Variants in TRAPPC9 observed in about 807,000 individuals in gnomAD.
The protein encoded by TRAPPC9 is IKK2 binding protein.
In TRAPPC9, 83 loss-of-function variants were observed where a neutral mutation model predicts 124.0. That is an observed-to-expected ratio of 0.67 (90% confidence interval 0.56 to 0.80). TRAPPC9 has a LOEUF of 0.80. TRAPPC9 is among the 30% of genes least tolerant of loss of function. TRAPPC9 has a pLI of 0.00. For missense variants in TRAPPC9, 1,302 were observed against 1,508.3 expected, an observed-to-expected ratio of 0.86 and a Z score of 2.27; for synonymous variants, 638 against 617.5, an observed-to-expected ratio of 1.03 and a Z score of -0.49.
At chr8:140,254,692 C>T (rs977411055) in intron 15 of TRAPPC9, among the ~76,000 whole-genome samples, 1 of 152,204 alleles carries the variant, frequency 6.6e-6, no homozygotes, top group Non-Finnish European at 1.5e-5. Context: ...TTGCTGTTTT[C>T]CCACTATCCC....
At chr8:140,083,180 G>GA (rs1843951792) in intron 17 of TRAPPC9, among the ~76,000 whole-genome samples, 1 of 140,756 alleles carries the variant, frequency 7.1e-6, no homozygotes, top group Non-Finnish European at 1.6e-5. Flanking sequence ...GTGACAGAAT[G>GA]AGACTCCATC....
rs144081916 is a variant in TRAPPC9, at chr8:139,731,228, C to A, written c.3280G>T (p.Val1094Leu). 1.9e-6 allele frequency: 3 copies of A among 1,613,240 alleles called. No individual in the cohort carries two copies. Among genetic ancestry groups the A allele is most frequent in the South Asian group, 2.2e-5 (2 of 91,042 alleles). ...CAGGCCGACTGGCCGGACGGCTGCA[C>A]CTGAGCAGGGAGGAGAAAGACACAT... ...VGSSTFYLDA[V>L]QPSGQSACLG... is the part of the protein sequence containing the mutation. The change falls in exon 23 of 23, where the codon GTG becomes TTG. Residue 1094 changes from valine (V) to leucine (L), a missense_variant and splice_region_variant. This residue lies in a region of TRAPPC9 where 640 missense variants were observed against 679.3 expected (regional missense o/e 0.94). Transcript: ENST00000438773.
chr8:139,803,019 C>T (rs1011361434), intron 21 of TRAPPC9, among the ~76,000 whole-genome samples: 9 of 151,602 alleles, frequency 5.9e-5, no homozygotes, highest in African/African-American at 1.5e-4. Context: ...TGTGTGCATC[C>T]GTAGATGAAC....
intron 17 of TRAPPC9, among the ~76,000 whole-genome samples, chr8:140,026,343 A>G (rs1840147639): frequency 6.6e-6 from 1 of 152,110 alleles, no homozygotes. Context: ...TCTTTGGGGT[A>G]TATGCCCGGA....
chr8:139,895,735 C>T (rs1206393717), intron 20 of TRAPPC9, among the ~76,000 whole-genome samples: 1 of 152,260 alleles, frequency 6.6e-6, no homozygotes, highest in Non-Finnish European at 1.5e-5. Flanking sequence ...CACTGATACA[C>T]TTGGGCTCAA....
At chr8:140,260,450 C>A (rs1395791537) in intron 15 of TRAPPC9, among the ~76,000 whole-genome samples, 1 of 152,200 alleles carries the variant, frequency 6.6e-6, no homozygotes, top group Admixed American at 6.5e-5. Context: ...GAATAAAGTT[C>A]TCTGAGGTGG....
chr8:140,388,615 A>G (rs2068827507), intron 7 of TRAPPC9, among the ~76,000 whole-genome samples: 1 of 151,792 alleles, frequency 6.6e-6, no homozygotes. Flanking sequence ...CCCAGGAGGC[A>G]GAGGCTGTGG....
intron 17 of TRAPPC9, among the ~76,000 whole-genome samples, chr8:140,039,167 A>T (rs1327680866): frequency 6.6e-6 from 1 of 152,262 alleles, no homozygotes; most frequent in Non-Finnish European, 1.5e-5. Flanking sequence ...TGGAAGCACC[A>T]TCAAATCCAC....
At chr8:140,058,829 T>C (rs1842428059) in intron 17 of TRAPPC9, among the ~76,000 whole-genome samples, 1 of 152,116 alleles carries the variant, frequency 6.6e-6, no homozygotes, top group African/African-American at 2.4e-5. Context: ...TAAACAGCCA[T>C]GATGGAGAAA....
chr8:139,909,412 G>A (rs892258072), intron 20 of TRAPPC9, among the ~76,000 whole-genome samples: 1 of 152,182 alleles, frequency 6.6e-6, no homozygotes, highest in Non-Finnish European at 1.5e-5. Flanking sequence ...AGGGTGCTCT[G>A]CCTTCGCTCC....
chr8:139,821,578 C>T (rs538555218), intron 21 of TRAPPC9, among the ~76,000 whole-genome samples: 4 of 152,236 alleles, frequency 2.6e-5, no homozygotes, highest in Non-Finnish European at 5.9e-5. Flanking sequence ...CCAGACCGGG[C>T]TTCTCCGAAG....
intron 10 of TRAPPC9, among the ~76,000 whole-genome samples, chr8:140,305,393 T>A (rs951058305): frequency 4.6e-5 from 7 of 152,112 alleles, no homozygotes; most frequent in Admixed American, 2.0e-4. Context: ...CTCCGCCTCC[T>A]GGGTTCAAAC....
At chr8:140,319,268 C>T (rs1325896841) in intron 9 of TRAPPC9, among the ~76,000 whole-genome samples, 3 of 149,702 alleles carry the variant, frequency 2.0e-5, no homozygotes, top group Non-Finnish European at 4.4e-5. Flanking sequence ...CTCCGCCTCC[C>T]GGGTTCACAC....
intron 17 of TRAPPC9, among the ~76,000 whole-genome samples, chr8:140,178,073 T>C (rs2062111308): frequency 6.6e-6 from 1 of 152,180 alleles, no homozygotes; most frequent in South Asian, 2.1e-4. Flanking sequence ...ATAGTAATGT[T>C]TTCTGTGAAT....
intron 2 of TRAPPC9, among the ~76,000 whole-genome samples, chr8:140,443,131 C>CCAAA (rs2071092185): frequency 2.3e-5 from 1 of 43,986 alleles, no homozygotes; most frequent in Admixed American, 2.3e-4. Flanking sequence ...GACTCCATCT[C>CCAAA]AAAAAAAAAA....
intron 21 of TRAPPC9, among the ~76,000 whole-genome samples, chr8:139,815,232 C>A (rs1465357714): frequency 6.6e-6 from 1 of 152,168 alleles, no homozygotes; most frequent in African/African-American, 2.4e-5. Flanking sequence ...ACTCCCAGCT[C>A]CCTGCCCGCC....
At chr8:139,781,479 G>A (rs1821809636) in intron 21 of TRAPPC9, among the ~76,000 whole-genome samples, 1 of 152,178 alleles carries the variant, frequency 6.6e-6, no homozygotes, top group Non-Finnish European at 1.5e-5. Context: ...TACAAAGAAG[G>A]ATAAACAGGC....
Position 139,731,222 on chromosome 8 carries a change from G to A in TRAPPC9, c.3286C>T (p.Pro1096Ser). 1 of 1,613,390 alleles carries A rather than the reference G, an allele frequency of 6.2e-7. No individual in the cohort carries two copies. Among genetic ancestry groups the A allele is most frequent in the Non-Finnish European group, 8.5e-7 (1 of 1,179,884 alleles). ...CCGAGGCAGGCCGACTGGCCGGACGGCTGCACCTGAGCAGGGAGGAGAAAG... is the reference window on the plus strand; with the variant it reads ...CCGAGGCAGGCCGACTGGCCGGACGACTGCACCTGAGCAGGGAGGAGAAAG... ...SSTFYLDAVQ[P>S]SGQSACLGAL... Residue 1096 changes from proline to serine, a missense_variant, in exon 23 of 23, where the codon CCG becomes TCG. By Grantham distance (74) the Pro-to-Ser change is moderately conservative. Transcript: ENST00000438773.
At chr8:139,835,297 C>A (rs1049507542) in intron 21 of TRAPPC9, among the ~76,000 whole-genome samples, 1 of 152,204 alleles carries the variant, frequency 6.6e-6, no homozygotes, top group Non-Finnish European at 1.5e-5. Flanking sequence ...TTACATACTG[C>A]GTTGTGCACA....
Sources: allele counts gnomAD v4.1 joint callset (sites outside exome capture counted in the v4.1 genomes callset), GRCh38; gene constraint gnomAD v4.1.1; regional missense constraint gnomAD v4.1.1; transcripts MANE v1.5; gene names NCBI Gene and HGNC (gene_info 2026-07-23, HGNC 2026-07-21).